KIF16B: variants seen among roughly 807,000 people sequenced by gnomAD.
KIF16B encodes the protein kinesin-like protein KIF16B.
KIF16B carries 98 observed loss-of-function variants against 156.3 expected under a neutral mutation model. The observed-to-expected ratio is 0.63, with a 90% CI of 0.53 to 0.74. KIF16B has a LOEUF of 0.74. Ranked by LOEUF, KIF16B falls within the 30% of genes least tolerant of loss-of-function variation. The probability of loss-of-function intolerance (pLI) is 0.00; values close to 1 mark genes in which losing one functional copy is unlikely to be tolerated. For synonymous variants in KIF16B, 564 were observed against 583.7 expected (o/e 0.97, Z 0.49); for missense variants, 1,421 against 1,606.5 (o/e 0.88, Z 1.97).
chr20:16,293,015 GACA>G (rs770893961), intron 25 of KIF16B, among the ~76,000 whole-genome samples: 4 of 152,120 alleles, frequency 2.6e-5, no homozygotes, highest in Non-Finnish European at 4.4e-5. Flanking sequence ...GACAAAGCAA[GACA>G]ACGACAGAGA....
intron 17 of KIF16B, among the ~76,000 whole-genome samples, chr20:16,397,044 G>T (rs1309632366): frequency 6.6e-6 from 1 of 152,236 alleles, no homozygotes; most frequent in Non-Finnish European, 1.5e-5. Flanking sequence ...AAATGAGCTT[G>T]GAAGTTATCT....
rs1306141314 is a variant in KIF16B at position 16,573,262 on chromosome 20, T to A, written c.14A>T (p.Lys5Met). 7 of 1,608,662 alleles carry A rather than the reference T, an allele frequency of 4.4e-6. No individual in the cohort carries two copies. Among genetic ancestry groups the A allele is most frequent in the Non-Finnish European group, 5.9e-6 (7 of 1,178,562 alleles). The change falls in exon 1 of 26, where the codon AAG (lysine) becomes ATG (methionine). Residue 5 changes from lysine to methionine, a missense_variant. Physicochemically the swap from Lys to Met is moderately conservative, Grantham distance 95 (BLOSUM62 -1). Coordinates refer to ENST00000354981, the MANE Select transcript of KIF16B (RefSeq NM_024704.5). MASV[K>M]VAVRVRPMNR... ...CATGGGCCGGACCCTCACGGCCACC[T>A]TGACCGATGCCATCGCTCATCCCGA...
chr20:16,335,856 C>T (rs1481644590), intron 24 of KIF16B, 70 bp downstream of exon 24: 20 of 924,946 alleles, frequency 2.2e-5, no homozygotes, highest in Admixed American at 1.3e-4. Context: ...GATAACATTG[C>T]TAATGCAATC....
chr20:16,556,097 C>G (rs2070838321), intron 1 of KIF16B, among the ~76,000 whole-genome samples: 1 of 152,164 alleles, frequency 6.6e-6, no homozygotes, highest in Admixed American at 6.5e-5. Flanking sequence ...ATAACATCAG[C>G]CCCCACCTCC....
At chr20:16,499,128 G>A (rs1393273142) in intron 10 of KIF16B, among the ~76,000 whole-genome samples, 1 of 152,120 alleles carries the variant, frequency 6.6e-6, no homozygotes, top group Non-Finnish European at 1.5e-5. Flanking sequence ...GAGGGGTCGA[G>A]ATTCACATAG....
rs140695947 is a variant in KIF16B, at chr20:16,532,064, G to A, written c.48-3624C>T. 4.9e-3 allele frequency among the ~76,000 whole-genome samples: 530 copies of A among 108,912 alleles called. 2 individuals carry two copies. Among genetic ancestry groups the A allele is most frequent in the South Asian group, 0.014 (41 of 2,916 alleles). The allele number at this position is 108,912 out of a possible 152,430, so 71.5% of individuals were successfully genotyped here. ...GACTGGACGACAAGAGCAAAACTCC[G>A]TCTCAAAAAAAAAAAAAAAAAAATT... On this transcript the variant is annotated intron_variant, in intron 1 of 25. Transcript: ENST00000354981.
intron 1 of KIF16B, among the ~76,000 whole-genome samples, chr20:16,561,769 T>C (rs1043417292): frequency 6.6e-6 from 1 of 152,242 alleles, no homozygotes; most frequent in African/African-American, 2.4e-5. Flanking sequence ...TTGTCAAAAA[T>C]TGCTTAACTT....
chr20:16,333,605 T>A (rs1298267125), intron 24 of KIF16B, among the ~76,000 whole-genome samples: 2 of 152,214 alleles, frequency 1.3e-5, no homozygotes, highest in Non-Finnish European at 2.9e-5. Flanking sequence ...TATGTGATAA[T>A]CTGTGTTCAT....
intron 12 of KIF16B, among the ~76,000 whole-genome samples, chr20:16,476,112 AC>A (rs1390886441): frequency 6.6e-6 from 1 of 152,180 alleles, no homozygotes; most frequent in Non-Finnish European, 1.5e-5. Flanking sequence ...GGGCCCTGCA[AC>A]AAATACAAAC....
chr20:16,475,340 G>A (rs1261330885), intron 12 of KIF16B, among the ~76,000 whole-genome samples: 2 of 107,902 alleles, frequency 1.9e-5, no homozygotes, highest in African/African-American at 1.0e-4. Flanking sequence ...TGAAGTGCAG[G>A]GAGGTTAAGT....
intron 7 of KIF16B, among the ~76,000 whole-genome samples, chr20:16,506,824 G>T (rs1230932577): frequency 1.3e-5 from 2 of 152,054 alleles, no homozygotes; most frequent in East Asian, 3.9e-4. Flanking sequence ...GCCAGACCCA[G>T]CAGCTTATGC....
chr20:16,318,777 C>T (rs149770552), intron 24 of KIF16B, among the ~76,000 whole-genome samples: 285 of 152,266 alleles, frequency 1.9e-3, no homozygotes, highest in African/African-American at 6.4e-3. Flanking sequence ...ACTCAACTAT[C>T]AATTCAGAAT....
intron 17 of KIF16B, among the ~76,000 whole-genome samples, chr20:16,387,461 T>G (rs983561308): frequency 6.6e-6 from 1 of 152,078 alleles, no homozygotes; most frequent in African/African-American, 2.4e-5. Context: ...GCTCAAGTGC[T>G]GGAGATGAGG....
intron 1 of KIF16B, among the ~76,000 whole-genome samples, chr20:16,545,598 G>A (rs2070376636): frequency 6.6e-6 from 1 of 152,196 alleles, no homozygotes; most frequent in South Asian, 2.1e-4. Context: ...CCGGGAGGCA[G>A]AGGTTGTAGT....
At chr20:16,463,523 TAATTC>T (rs1460110206) in intron 12 of KIF16B, among the ~76,000 whole-genome samples, 1 of 152,022 alleles carries the variant, frequency 6.6e-6, no homozygotes, top group Non-Finnish European at 1.5e-5. Flanking sequence ...AGGCAATAAT[TAATTC>T]CAGAGCGCCA....
chr20:16,304,454 A>T (rs537773961), intron 25 of KIF16B, among the ~76,000 whole-genome samples: 29 of 152,240 alleles, frequency 1.9e-4, no homozygotes, highest in Admixed American at 6.5e-4. Flanking sequence ...TTCCTTGAAT[A>T]CTCCAACAGC....
chr20:16,458,798 C>T (rs913523422), intron 12 of KIF16B, among the ~76,000 whole-genome samples: 1 of 151,830 alleles, frequency 6.6e-6, no homozygotes, highest in African/African-American at 2.4e-5. Context: ...ACACACACCA[C>T]TCCCCATTAG....
chr20:16,395,712 C>T (rs2065483763), intron 17 of KIF16B, among the ~76,000 whole-genome samples: 1 of 152,086 alleles, frequency 6.6e-6, no homozygotes, highest in South Asian at 2.1e-4. Context: ...ATGGCCAGGA[C>T]TTGCTTTTAG....
intron 24 of KIF16B, among the ~76,000 whole-genome samples, chr20:16,327,337 C>G (rs189694823): frequency 1.3e-5 from 2 of 151,954 alleles, no homozygotes; most frequent in African/African-American, 4.8e-5. Flanking sequence ...ACATTGGGTA[C>G]AGTTTACACT....
Sources: allele counts gnomAD v4.1 joint callset (sites outside exome capture counted in the v4.1 genomes callset), GRCh38; gene constraint gnomAD v4.1.1; transcripts MANE v1.5; gene names NCBI Gene and HGNC (gene_info 2026-07-23, HGNC 2026-07-21).